OR4D2: variants seen among roughly 807,000 people sequenced by gnomAD.
OR4D2 encodes olfactory receptor family 4 subfamily D member 2.
Under a neutral mutation model 12.4 loss-of-function variants are expected in OR4D2, and 9 were observed. The observed-to-expected ratio is 0.73, with a 90% confidence interval of 0.44 to 1.27. OR4D2 has a LOEUF of 1.27. Among genes scored for constraint, OR4D2 ranks in the 50% most tolerant of loss-of-function variants. The pLI is 0.00. For missense variants in OR4D2, 373 were observed against 381.6 expected, an observed-to-expected ratio of 0.98 and a Z score of 0.19; for synonymous variants, 151 against 151.1, an observed-to-expected ratio of 1.00 and a Z score of 0.01.
chr17:58,168,366 G>A (rs1256085619), intron 1 of OR4D2, among the ~76,000 whole-genome samples: 2 of 152,052 alleles, frequency 1.3e-5, no homozygotes, highest in Non-Finnish European at 2.9e-5. Context: ...ACCACGCCCG[G>A]CTAATTTTTT....
intron 1 of OR4D2, among the ~76,000 whole-genome samples, chr17:58,168,200 C>CT (rs139996359): frequency 0.15 from 22,150 of 146,202 alleles, 1,976 homozygotes; most frequent in Middle Eastern, 0.28. Context: ...TCTTCTTCTT[C>CT]TTTTTTTTTT....
rs143373861 is a variant in OR4D2, at chr17:58,168,550, C to T, written c.-18-1088C>T. 2.5e-3 allele frequency among the ~76,000 whole-genome samples: 384 copies of T among 152,224 alleles called. 1 individual carries two copies. Among genetic ancestry groups the T allele is most frequent in the African/African-American group, 8.5e-3 (351 of 41,522 alleles). On this transcript the variant is annotated intron_variant, in intron 1 of 1. Transcript: ENST00000545221. Reference sequence around the variant, plus strand: ...CCCTTTAGTCCCGTTTTCTCCACCTCCCCAGCACTTTTCCACTTCCTTTAC... The same window carrying T: ...CCCTTTAGTCCCGTTTTCTCCACCTTCCCAGCACTTTTCCACTTCCTTTAC...
chr17:58,169,344 G>C, intron 1 of OR4D2: 3 of 367,524 alleles, frequency 8.2e-6, no homozygotes, highest in Non-Finnish European at 1.5e-5. Flanking sequence ...AAATCACAAT[G>C]AAATGAAAGA....
In OR4D2 at chr17:58,170,716, C is replaced by G; in HGVS notation, c.*137C>G. On this transcript the variant is annotated 3_prime_UTR_variant, in exon 2 of 2. Coordinates refer to ENST00000545221, the MANE Select transcript of OR4D2 (RefSeq NM_001004707.4). ...AATGAATTTTGAAACTAAGCAACTT[C>G]GTGTTTTAGGAAAAAAGAAAGTATC... The G allele has an allele frequency of 2.9e-6, 2 of 697,708 alleles. No homozygotes were observed. Among genetic ancestry groups the G allele is most frequent in the Non-Finnish European group, 5.0e-6 (2 of 401,466 alleles). 43.2% of individuals were successfully genotyped at this position (697,708 alleles called of 1,614,324 possible).
intron 1 of OR4D2, 94 bp downstream of exon 1, chr17:58,167,147 T>C (rs1439545668): frequency 2.0e-5 from 3 of 152,256 alleles, no homozygotes; most frequent in Non-Finnish European, 4.4e-5. Flanking sequence ...TCTGAGCAAG[T>C]GCTAAATCAG....
chr17:58,169,515 G>A (rs938309547), intron 1 of OR4D2, 123 bp from the exon 2 acceptor site: 43 of 699,700 alleles, frequency 6.1e-5, no homozygotes, highest in Non-Finnish European at 1.0e-4. Context: ...ACAGCACCTA[G>A]TATAATGGTC....
Position 58,170,782 on chromosome 17 carries a change from A to G in OR4D2, c.*203A>G. 3.4e-6 allele frequency: 2 copies of G among 580,818 alleles called. No homozygotes were observed. The allele number at this position is 580,818 out of a possible 1,614,324, so 36.0% of individuals were successfully genotyped here. ...GGTTTGTGATAAAGAGTTTTAACAC[A>G]CTCGCAACAATGAGAATTGTTCACA... is the stretch of plus-strand genomic sequence containing the variant. On this transcript the variant is annotated 3_prime_UTR_variant, in exon 2 of 2. Transcript: ENST00000545221.
At chr17:58,167,317 G>T (rs1272122143) in intron 1 of OR4D2, among the ~76,000 whole-genome samples, 1 of 152,192 alleles carries the variant, frequency 6.6e-6, no homozygotes, top group African/African-American at 2.4e-5. Flanking sequence ...GAAATGGGGG[G>T]AGGAGTCAAA....
At chr17:58,169,415 T>C (rs1967929958) in intron 1 of OR4D2, 1 of 557,738 alleles carries the variant, frequency 1.8e-6, no homozygotes, top group African/African-American at 1.9e-5. Context: ...ATATGAATCT[T>C]TGAAAGGCAG....
rs1967932049 is a variant in OR4D2, at chr17:58,169,581, C to T, written c.-18-57C>T. On this transcript the variant is annotated intron_variant, in intron 1 of 1. Coordinates refer to ENST00000545221, the MANE Select transcript of OR4D2 (RefSeq NM_001004707.4). ...AAAACCTTGGTTCTGAGCCCCTGAG[C>T]CCTGAAAGGGAAAGTAGTGACTTCA... The T allele has an allele frequency of 5.7e-6, 7 of 1,224,564 alleles. No individual in the cohort carries two copies. In the East Asian group the frequency reaches 1.4e-4, roughly 24 times the overall value. The allele number at this position is 1,224,564 out of a possible 1,614,324, so 75.9% of individuals were successfully genotyped here.
At chr17:58,168,860 G>A (rs950526136) in intron 1 of OR4D2, among the ~76,000 whole-genome samples, 3 of 152,170 alleles carry the variant, frequency 2.0e-5, no homozygotes, top group African/African-American at 7.2e-5. Flanking sequence ...GGATGTCTCA[G>A]GCATCCAGCT....
At chr17:58,167,651 A>C (rs866870522) in intron 1 of OR4D2, among the ~76,000 whole-genome samples, 1 of 152,182 alleles carries the variant, frequency 6.6e-6, no homozygotes, top group South Asian at 2.1e-4. Flanking sequence ...GAGCAAATCA[A>C]ATATTATAAC....
chr17:58,170,681 C>T lies in OR4D2; in HGVS notation c.*102C>T, dbSNP rs1428393656. On this transcript the variant is annotated 3_prime_UTR_variant, in exon 2 of 2. Coordinates refer to ENST00000545221, the MANE Select transcript of OR4D2 (RefSeq NM_001004707.4). Reference sequence around the variant, plus strand: ...CTCTTCATAGTGTGTTGAGGTTCATCATAGCAGGGAATGAATTTTGAAACT... The same window carrying T: ...CTCTTCATAGTGTGTTGAGGTTCATTATAGCAGGGAATGAATTTTGAAACT... 2.3e-6 allele frequency: 2 copies of T among 883,736 alleles called. No individual in the cohort carries two copies. The highest frequency in any genetic ancestry group is 2.4e-5 in the East Asian group (1 of 41,188). The allele number at this position is 883,736 out of a possible 1,614,324, so 54.7% of individuals were successfully genotyped here. A position where few individuals can be genotyped will look rare whatever the true frequency, so the allele number is the denominator to read the frequency against.
In OR4D2 at chr17:58,170,649, C is replaced by G; in HGVS notation, c.*70C>G. 2 of 1,182,750 alleles carry G rather than the reference C, an allele frequency of 1.7e-6. No homozygotes were observed. Among genetic ancestry groups the G allele is most frequent in the African/African-American group, 1.5e-5 (1 of 66,450 alleles). The allele number at this position is 1,182,750 out of a possible 1,614,324, so 73.3% of individuals were successfully genotyped here. On this transcript the variant is annotated 3_prime_UTR_variant, in exon 2 of 2. Coordinates refer to ENST00000545221, the MANE Select transcript of OR4D2 (RefSeq NM_001004707.4). ...TGTGAAGTGGAGAGGGAGCTACTAC[C>G]TTTGCTCTCTTCATAGTGTGTTGAG...
Position 58,169,243 on chromosome 17 carries a change from G to T in OR4D2, c.-18-395G>T, listed in dbSNP as rs574194360. On this transcript the variant is annotated intron_variant, in intron 1 of 1. Transcript: ENST00000545221. Reference sequence around the variant, plus strand: ...ATCTATCATTCTACTTAAGTCCTCAGAAAATTCTACAAAGCAGGTATTTTT... The same window carrying T: ...ATCTATCATTCTACTTAAGTCCTCATAAAATTCTACAAAGCAGGTATTTTT... Among the ~76,000 whole-genome samples, 5 of 152,278 alleles carry T rather than the reference G, an allele frequency of 3.3e-5. No homozygotes were observed. In the East Asian group the frequency reaches 9.6e-4, roughly 29 times the overall value.
At position 58,170,488 on chromosome 17, in the gene OR4D2, T is replaced by C; in HGVS notation, c.833T>C (p.Met278Thr). The C allele has an allele frequency of 6.2e-7, 1 of 1,614,220 alleles. No homozygotes were observed. The highest frequency in any genetic ancestry group is 2.2e-5 in the East Asian group (1 of 44,876). The part of the protein sequence containing the change: ...DKLVSIGHTV[M>T]TPMLNPMIYT... ...CTTGTGTCCATCGGCCACACAGTCATGACCCCCATGCTCAACCCCATGATC... is the reference window on the plus strand; with the variant it reads ...CTTGTGTCCATCGGCCACACAGTCACGACCCCCATGCTCAACCCCATGATC... The change falls in exon 2 of 2, where the codon ATG (methionine) becomes ACG (threonine). Residue 278 changes from methionine (M) to threonine (T), a missense_variant. Coordinates refer to ENST00000545221, the MANE Select transcript of OR4D2 (RefSeq NM_001004707.4).
At position 58,170,520 on chromosome 17, in the gene OR4D2, C is replaced by T; in HGVS notation, c.865C>T (p.Leu289=). 2 of 1,614,204 alleles carry T rather than the reference C, an allele frequency of 1.2e-6. No homozygotes were observed. The highest frequency in any genetic ancestry group is 1.7e-6 in the Non-Finnish European group (2 of 1,180,028). ...CATGCTCAACCCCATGATCTATACC[C>T]TGAGGAACCAGGACATGCAGGCAGC... The part of the protein sequence containing the change: ...TPMLNPMIYT[L]RNQDMQAAVR... The change falls in exon 2 of 2, where the codon CTG becomes TTG. Residue 289 remains leucine, a synonymous_variant. Transcript: ENST00000545221.
At chr17:58,169,055 C>A (rs750848133) in intron 1 of OR4D2, among the ~76,000 whole-genome samples, 8 of 152,056 alleles carry the variant, frequency 5.3e-5, no homozygotes, top group Non-Finnish European at 1.0e-4. Context: ...AAAATATAGA[C>A]AAGGAAAATC....
chr17:58,170,259 A>G lies in OR4D2; in HGVS notation c.604A>G (p.Asn202Asp), dbSNP rs1279902234. The G allele has an allele frequency of 5.0e-6, 8 of 1,614,098 alleles. No homozygotes were observed. In the African/African-American group the frequency reaches 9.3e-5, roughly 19 times the overall value. ...ACTGCTGGAGTTCCTCAAGATCTCC[A>G]ACAGTGGGCTGCTGGATGTCGTCTG... is the stretch of plus-strand genomic sequence containing the variant. ...TSLLEFLKISNSGLLDVVWFF... is the reference protein window; with the variant it reads ...TSLLEFLKISDSGLLDVVWFF... Residue 202 changes from asparagine (N) to aspartate (D), a missense_variant, in exon 2 of 2, where the codon AAC becomes GAC. Coordinates refer to ENST00000545221, the MANE Select transcript of OR4D2 (RefSeq NM_001004707.4).
Sources: allele counts gnomAD v4.1 joint callset (sites outside exome capture counted in the v4.1 genomes callset), GRCh38; gene constraint gnomAD v4.1.1; transcripts MANE v1.5; gene names NCBI Gene and HGNC (gene_info 2026-07-23, HGNC 2026-07-21).